The following POTEG variants were observed in gnomAD, a reference collection of about 807,000 sequenced individuals.
POTEG encodes the protein ANKRD26-like family C member 2.
A neutral mutation model predicts 49.6 loss-of-function variants in POTEG; 2 were observed. That is an observed-to-expected ratio of 0.04 (90% CI 0.02 to 0.13). POTEG has a LOEUF of 0.13. Ranked by LOEUF, POTEG falls within the 10% of genes least tolerant of loss-of-function variation. The pLI, the probability that POTEG is intolerant of heterozygous loss-of-function variation, is 1.00. For missense variants in POTEG, 26 were observed against 545.2 expected, an observed-to-expected ratio of 0.05 and a Z score of 9.48; for synonymous variants, 7 against 186.6, an observed-to-expected ratio of 0.04 and a Z score of 7.84.
chr14:19,415,840 T>TAG (rs1883539294), intron 7 of POTEG, among the ~76,000 whole-genome samples: 1 of 131,714 alleles, frequency 7.6e-6, no homozygotes, highest in Non-Finnish European at 1.7e-5. Context: ...TTTTTTTTTT[T>TAG]TTTTTTTTTT....
chr14:19,432,393 T>TAC (rs1884178218), intron 1 of POTEG, among the ~76,000 whole-genome samples: 1 of 93,562 alleles, frequency 1.1e-5, no homozygotes, highest in Non-Finnish European at 2.3e-5. Flanking sequence ...TATATATATA[T>TAC]ATATATATAT....
chr14:19,415,115 A>G (rs1453587079), intron 7 of POTEG, among the ~76,000 whole-genome samples: 5 of 145,370 alleles, frequency 3.4e-5, no homozygotes, highest in African/African-American at 1.2e-4. Flanking sequence ...AATCAACACC[A>G]AACAGAAAGA....
At chr14:19,416,049 T>C (rs1883552700) in intron 7 of POTEG, among the ~76,000 whole-genome samples, 1 of 147,282 alleles carries the variant, frequency 6.8e-6, no homozygotes, top group Admixed American at 6.7e-5. Context: ...TTTCATCATC[T>C]TAGCCAGGAT....
At chr14:19,415,829 ATTTTTTTTTTT>A (rs58833974) in intron 7 of POTEG, among the ~76,000 whole-genome samples, 50 of 96,724 alleles carry the variant, frequency 5.2e-4, no homozygotes, top group African/African-American at 1.7e-3. Flanking sequence ...ATCTATTAAA[ATTTTTTTTTTT>A]TTTTTTTTTT....
chr14:19,415,868 C>CA (rs1883542167), intron 7 of POTEG, among the ~76,000 whole-genome samples: 2 of 94,938 alleles, frequency 2.1e-5, no homozygotes, highest in African/African-American at 8.6e-5. Context: ...TTTTTTGACA[C>CA]AGAGTCTTGC....
In POTEG at chr14:19,434,036, T is replaced by C. The variant is rs1884288255; in HGVS notation, c.254A>G (p.Asp85Gly). The C allele has an allele frequency of 5.5e-6, 8 of 1,443,130 alleles. No individual in the cohort carries two copies. The Admixed American group carries it at 1.3e-4, about 24-fold the overall frequency. The allele number at this position is 1,443,130 out of a possible 1,614,324, so 89.4% of individuals were successfully genotyped here. The change falls in exon 1 of 11, where the codon GAC becomes GGC. Residue 85 changes from aspartate (D) to glycine (G), a missense_variant. Transcript: ENST00000547848. Reference protein sequence around the residue: ...SSKSNVGTSGDHDDSAMKTLR... With the variant: ...SSKSNVGTSGGHDDSAMKTLR... ...TGTCTTCATAGCAGAGTCGTCGTGGTCTCCAGAAGTGCCCACGTTGCTCTT... is the reference window on the plus strand; with the variant it reads ...TGTCTTCATAGCAGAGTCGTCGTGGCCTCCAGAAGTGCCCACGTTGCTCTT...
At chr14:19,415,256 T>A (rs1251156849) in intron 7 of POTEG, among the ~76,000 whole-genome samples, 2 of 142,166 alleles carry the variant, frequency 1.4e-5, no homozygotes, top group African/African-American at 2.5e-5. Flanking sequence ...AAAATTTTAA[T>A]CTGTCCTGAT....
At chr14:19,421,802 GAACTT>G in intron 5 of POTEG, 108 bp from the exon 6 acceptor site, 1 of 470,154 alleles carries the variant, frequency 2.1e-6, no homozygotes, top group Non-Finnish European at 3.4e-6. Flanking sequence ...CAGAATATCA[GAACTT>G]AACAGTATTA....
chr14:19,415,980 G>C (rs1461809069), intron 7 of POTEG, among the ~76,000 whole-genome samples: 1 of 149,744 alleles, frequency 6.7e-6, no homozygotes, highest in Admixed American at 6.6e-5. Flanking sequence ...GAGTAGCTGA[G>C]ACTACAGGTG....
chr14:19,423,522 C>CAT (rs1883820651), intron 5 of POTEG: 1 of 134,206 alleles, frequency 7.5e-6, no homozygotes, highest in Admixed American at 7.5e-5. Flanking sequence ...AATGGCTGAG[C>CAT]ATATAACCAT....
At chr14:19,431,300 A>G (rs1884129414) in intron 1 of POTEG, among the ~76,000 whole-genome samples, 1 of 152,282 alleles carries the variant, frequency 6.6e-6, no homozygotes, top group African/African-American at 2.4e-5. Context: ...GACACCCTCA[A>G]TAGTTACATA....
intron 1 of POTEG, among the ~76,000 whole-genome samples, chr14:19,432,427 T>C (rs1180645549): frequency 1.3e-5 from 1 of 76,188 alleles, no homozygotes; most frequent in Non-Finnish European, 2.8e-5. Context: ...TATATATGTA[T>C]ATACGTATAT....
At chr14:19,432,380 A>ATGTG in intron 1 of POTEG, among the ~76,000 whole-genome samples, 1 of 67,288 alleles carries the variant, frequency 1.5e-5, no homozygotes, top group South Asian at 4.6e-4. Flanking sequence ...ATATATATAT[A>ATGTG]TATATATATA....
At chr14:19,414,800 T>C (rs1233514956) in intron 7 of POTEG, among the ~76,000 whole-genome samples, 194 bp from the exon 8 acceptor site, 2 of 142,562 alleles carry the variant, frequency 1.4e-5, no homozygotes, top group African/African-American at 5.0e-5. Flanking sequence ...AATCTATGTT[T>C]AGCTACTGCC....
At chr14:19,431,195 G>A (rs1204466365) in intron 1 of POTEG, among the ~76,000 whole-genome samples, 2 of 152,284 alleles carry the variant, frequency 1.3e-5, no homozygotes, top group Admixed American at 6.5e-5. Flanking sequence ...TAACACAAGA[G>A]CAGATTCTGT....
At chr14:19,408,866 T>TAAATA (rs1296036303) in intron 9 of POTEG, among the ~76,000 whole-genome samples, 1 of 148,638 alleles carries the variant, frequency 6.7e-6, no homozygotes, top group African/African-American at 2.5e-5. Flanking sequence ...TATCTCTAAA[T>TAAATA]AAATAAAATA....
At chr14:19,407,376 GATTA>G (rs1305348572) in intron 9 of POTEG, among the ~76,000 whole-genome samples, 1 of 29,554 alleles carries the variant, frequency 3.4e-5, no homozygotes, top group African/African-American at 1.6e-4. Context: ...AAGGAAAGAG[GATTA>G]ATTGATTCAC....
chr14:19,415,829 A>ATATTCTTTTTTTTTTTTTTT (rs1491555758), intron 7 of POTEG, among the ~76,000 whole-genome samples: 1 of 96,702 alleles, frequency 1.0e-5, no homozygotes. Flanking sequence ...ATCTATTAAA[A>ATATTCTTTTTTTTTTTTTTT]TTTTTTTTTT....
chr14:19,419,885 T>C (rs1883685071), intron 6 of POTEG, among the ~76,000 whole-genome samples: 2 of 139,154 alleles, frequency 1.4e-5, no homozygotes, highest in Admixed American at 1.4e-4. Context: ...TCCAAAGCAT[T>C]CTACCTGGTA....
Sources: gnomAD v4.1 joint callset for allele counts (sites outside exome capture counted in the v4.1 genomes callset) on GRCh38, gnomAD v4.1.1 for gene constraint, MANE v1.5 for transcripts, NCBI Gene and HGNC (gene_info 2026-07-23, HGNC 2026-07-21) for gene names.